The following ZBTB7C variants were observed in gnomAD, a reference collection of about 807,000 sequenced individuals.
The protein encoded by ZBTB7C is zinc finger and BTB domain-containing protein 7C.
ZBTB7C carries 8 observed loss-of-function variants against 25.7 expected under a neutral mutation model. The observed-to-expected ratio is 0.31, with a 90% CI of 0.18 to 0.56. ZBTB7C has a LOEUF of 0.56. ZBTB7C is among the 20% of genes least tolerant of loss of function. The probability of loss-of-function intolerance (pLI) is 0.91; values close to 1 mark genes in which losing one functional copy is unlikely to be tolerated. For synonymous variants in ZBTB7C, 394 were observed against 369.0 expected, an observed-to-expected ratio of 1.07 and a Z score of -0.78; for missense variants, 824 against 855.2, an observed-to-expected ratio of 0.96 and a Z score of 0.46.
intron 3 of ZBTB7C, among the ~76,000 whole-genome samples, chr18:48,123,415 C>G (rs536457519): frequency 1.3e-4 from 20 of 152,368 alleles, no homozygotes; most frequent in Non-Finnish European, 2.1e-4. Context: ...GTCACGCCTT[C>G]CAAGAACCGC....
intron 2 of ZBTB7C, among the ~76,000 whole-genome samples, chr18:48,232,992 A>C (rs1322407859): frequency 6.6e-6 from 1 of 152,198 alleles, no homozygotes; most frequent in Non-Finnish European, 1.5e-5. Context: ...AGTATATAAG[A>C]GTACAGGTTT....
chr18:48,112,690 T>G (rs1356239368), intron 3 of ZBTB7C, among the ~76,000 whole-genome samples: 1 of 152,202 alleles, frequency 6.6e-6, no homozygotes, highest in Non-Finnish European at 1.5e-5. Context: ...ATGTGGGCTT[T>G]TTCCATCATA....
At chr18:48,387,839 G>C (rs2047784903) in intron 1 of ZBTB7C, among the ~76,000 whole-genome samples, 1 of 137,882 alleles carries the variant, frequency 7.3e-6, no homozygotes, top group Non-Finnish European at 1.5e-5. Flanking sequence ...GTTTGTTGTT[G>C]TTGTTGTTTG....
intron 3 of ZBTB7C, among the ~76,000 whole-genome samples, chr18:48,096,576 T>C (rs1200252669): frequency 6.6e-6 from 1 of 152,186 alleles, no homozygotes; most frequent in Non-Finnish European, 1.5e-5. Flanking sequence ...ATCGAACTAA[T>C]GTGCTCTGCT....
At position 48,026,737 on chromosome 18, in the gene ZBTB7C, G is replaced by GTTTTTTTTTTTTTTTTTTTTTTTTT. The variant is rs112670701; in HGVS notation, c.*2522_*2523insAAAAAAAAAAAAAAAAAAAAAAAAA. On this transcript the variant is annotated 3_prime_UTR_variant, in exon 5 of 5. Transcript: ENST00000590800. ...TTAAAGTATAAAATAAGGGTCAAAG[G>GTTTTTTTTTTTTTTTTTTTTTTTTT]TTTTTTTTTTTTTCTTTGTTAAGGT... is the stretch of plus-strand genomic sequence containing the variant. The GTTTTTTTTTTTTTTTTTTTTTTTTT allele has an allele frequency of 6.9e-6, 1 of 145,958 alleles. No homozygotes were observed. The highest frequency in any genetic ancestry group is 2.5e-5 in the African/African-American group (1 of 39,792). 9.0% of individuals were successfully genotyped at this position (145,958 alleles called of 1,614,324 possible).
In ZBTB7C at chr18:48,222,972, C is replaced by T. The variant is rs375371120; in HGVS notation, c.-78-36977G>A. Among the ~76,000 whole-genome samples the T allele has an allele frequency of 7.2e-5, 11 of 152,320 alleles. No individual in the cohort carries two copies. In the East Asian group the frequency reaches 1.5e-3, roughly 21 times the overall value. On this transcript the variant is annotated intron_variant, in intron 2 of 4. Coordinates refer to ENST00000590800, the MANE Select transcript of ZBTB7C (RefSeq NM_001318841.2). Reference sequence around the variant, plus strand: ...TCCCTGCCCCTGGAGCTGTGTGGCCCTGAGCTGTGTTCTGAGACAGCAACC... The same window carrying T: ...TCCCTGCCCCTGGAGCTGTGTGGCCTTGAGCTGTGTTCTGAGACAGCAACC...
At chr18:48,093,479 T>C (rs2038496493) in intron 3 of ZBTB7C, among the ~76,000 whole-genome samples, 1 of 152,106 alleles carries the variant, frequency 6.6e-6, no homozygotes, top group African/African-American at 2.4e-5. Context: ...TTAAGACACC[T>C]CTAAGGCTGA....
chr18:48,179,678 TC>T (rs2041819433), intron 3 of ZBTB7C, among the ~76,000 whole-genome samples: 1 of 29,084 alleles, frequency 3.4e-5, no homozygotes, highest in Non-Finnish European at 1.1e-4. Context: ...TCTCTCTCCT[TC>T]CTTCCTTCCT....
chr18:48,298,298 G>T (rs895426014), intron 2 of ZBTB7C, among the ~76,000 whole-genome samples: 2 of 140,726 alleles, frequency 1.4e-5, no homozygotes, highest in Non-Finnish European at 3.1e-5. Context: ...AAAAAAAAAA[G>T]TGTGAGTTGA....
intron 3 of ZBTB7C, among the ~76,000 whole-genome samples, chr18:48,100,808 C>T (rs2038801957): frequency 6.6e-6 from 1 of 152,032 alleles, no homozygotes; most frequent in Non-Finnish European, 1.5e-5. Context: ...CTTTGGAAAA[C>T]AAGGTCGCAA....
intron 1 of ZBTB7C, among the ~76,000 whole-genome samples, chr18:48,367,815 AC>A (rs955559571): frequency 4.6e-5 from 7 of 151,332 alleles, no homozygotes; most frequent in Non-Finnish European, 8.8e-5. Flanking sequence ...CCAACCCCCA[AC>A]CCCGTGTGGT....
chr18:48,307,180 C>T (rs1053506668), intron 2 of ZBTB7C, among the ~76,000 whole-genome samples: 6 of 152,186 alleles, frequency 3.9e-5, no homozygotes, highest in African/African-American at 1.4e-4. Context: ...TCCAGGACCT[C>T]CAGGGCCTCA....
chr18:48,118,663 T>C (rs2039527233), intron 3 of ZBTB7C, among the ~76,000 whole-genome samples: 1 of 152,218 alleles, frequency 6.6e-6, no homozygotes. Flanking sequence ...ATATAGCTAA[T>C]GTGGTACATT....
At chr18:48,111,573 C>G (rs554296348) in intron 3 of ZBTB7C, among the ~76,000 whole-genome samples, 1 of 152,146 alleles carries the variant, frequency 6.6e-6, no homozygotes, top group Non-Finnish European at 1.5e-5. Flanking sequence ...AAGACCAGAG[C>G]CCTGGCTGGG....
chr18:48,273,679 A>G (rs2144589607), intron 2 of ZBTB7C, among the ~76,000 whole-genome samples: 1 of 152,112 alleles, frequency 6.6e-6, no homozygotes, highest in East Asian at 1.9e-4. Flanking sequence ...AATAAGGTAG[A>G]AACGTTAAGA....
chr18:48,061,373 C>G (rs1488585011), intron 3 of ZBTB7C, among the ~76,000 whole-genome samples: 6 of 152,166 alleles, frequency 3.9e-5, no homozygotes, highest in Admixed American at 6.5e-5. Context: ...TATAGTCCCA[C>G]GTGGAGTGCT....
chr18:48,356,942 C>T (rs2046989343), intron 1 of ZBTB7C, among the ~76,000 whole-genome samples: 1 of 152,326 alleles, frequency 6.6e-6, no homozygotes, highest in South Asian at 2.1e-4. Context: ...AACTTCTAAA[C>T]ACTGCCCTAT....
chr18:48,037,653 G>T (rs1392432327), intron 4 of ZBTB7C, among the ~76,000 whole-genome samples: 1 of 152,228 alleles, frequency 6.6e-6, no homozygotes, highest in Middle Eastern at 3.2e-3. Context: ...CAGGGTGCCA[G>T]CAGGGCCACC....
chr18:48,403,712 C>A (rs934156686), intron 1 of ZBTB7C, among the ~76,000 whole-genome samples: 1 of 152,126 alleles, frequency 6.6e-6, no homozygotes, highest in Non-Finnish European at 1.5e-5. Context: ...AAAGACTGCA[C>A]ATTGGGTACA....
Sources: allele counts gnomAD v4.1 joint callset (sites outside exome capture counted in the v4.1 genomes callset), GRCh38; gene constraint gnomAD v4.1.1; transcripts MANE v1.5; gene names NCBI Gene and HGNC (gene_info 2026-07-23, HGNC 2026-07-21).